EPG5: variants seen among roughly 807,000 people sequenced by gnomAD.
EPG5 encodes ectopic P granules protein 5 homolog.
A neutral mutation model predicts 302.7 loss-of-function variants in EPG5; 159 were observed. The observed-to-expected ratio is 0.53, with a 90% confidence interval of 0.46 to 0.60. The LOEUF (loss-of-function observed/expected upper bound fraction) is 0.60. Ranked by LOEUF, EPG5 falls within the 20% of genes least tolerant of loss-of-function variation. The pLI is 0.00. For synonymous variants in EPG5, 1,158 were observed against 1,136.8 expected, an observed-to-expected ratio of 1.02 and a Z score of -0.37; for missense variants, 2,896 against 3,092.4, an observed-to-expected ratio of 0.94 and a Z score of 1.51.
rs115975606 is a variant in EPG5, at chr18:45,914,876, G to A, written c.3693+635C>T. Among the ~76,000 whole-genome samples the A allele has an allele frequency of 6.9e-3, 1,052 of 152,200 alleles. 12 individuals are homozygous for A. The highest frequency in any genetic ancestry group is 0.023 in the African/African-American group (971 of 41,490). ...TGTGCCTGTAGTCCCCAAATACTAG[G>A]GAGGCTGGGAGCAGGAGAATCACTT... On this transcript the variant is annotated intron_variant, in intron 20 of 43. Coordinates refer to ENST00000282041, the MANE Select transcript of EPG5 (RefSeq NM_020964.3).
intron 1 of EPG5, among the ~76,000 whole-genome samples, chr18:45,962,149 A>C (rs931759118): frequency 1.3e-5 from 2 of 152,170 alleles, no homozygotes; most frequent in East Asian, 3.8e-4. Context: ...TTAATAAATG[A>C]ATGGCTTTTA....
At chr18:45,911,736 C>T (rs1446798457) in intron 22 of EPG5, among the ~76,000 whole-genome samples, 31 of 152,134 alleles carry the variant, frequency 2.0e-4, no homozygotes, top group Admixed American at 2.0e-3. Flanking sequence ...CATGCCCAGC[C>T]AGTATCTATA....
chr18:45,943,814 G>A (rs867665110), intron 8 of EPG5, among the ~76,000 whole-genome samples, 191 bp downstream of exon 8: 28 of 152,082 alleles, frequency 1.8e-4, no homozygotes, highest in Middle Eastern at 6.8e-3. Flanking sequence ...CCAGCTACTC[G>A]GGAGGCTGAG....
chr18:45,847,656 T>C lies in EPG5; in HGVS notation c.*4811A>G, dbSNP rs1233521592. 4.6e-5 allele frequency: 7 copies of C among 152,760 alleles called. No homozygotes were observed. In the East Asian group the frequency reaches 1.3e-3, roughly 29 times the overall value. 9.5% of individuals were successfully genotyped at this position (152,760 alleles called of 1,614,324 possible). On this transcript the variant is annotated 3_prime_UTR_variant, in exon 44 of 44. Transcript: ENST00000282041. ...TATTTGCAGAATTTTACTTAACCAG[T>C]TGTCATTTCTTCCTGTTTCTCACCA...
At chr18:45,965,556 C>T (rs1371588231) in intron 1 of EPG5, among the ~76,000 whole-genome samples, 2 of 152,220 alleles carry the variant, frequency 1.3e-5, no homozygotes, top group South Asian at 2.1e-4. Flanking sequence ...CCTGTTAAAA[C>T]CTTGTTCCCA....
intron 1 of EPG5, among the ~76,000 whole-genome samples, chr18:45,965,678 A>T (rs982046279): frequency 1.3e-5 from 2 of 152,200 alleles, no homozygotes; most frequent in Non-Finnish European, 2.9e-5. Context: ...TTATTTCCCA[A>T]ATGTAAACTC....
chr18:45,944,028 T>C lies in EPG5; in HGVS notation c.1769A>G (p.His590Arg). ...AQFPFHELFQ[H>R]LLGFKAKGDY... is the part of the protein sequence containing the mutation. ...ACCTTTTGCTTTAAACCCAAGAAGATGCTGAAAGAGTTCATGAAAGGGGAA... is the reference window on the plus strand; with the variant it reads ...ACCTTTTGCTTTAAACCCAAGAAGACGCTGAAAGAGTTCATGAAAGGGGAA... Residue 590 changes from histidine to arginine, a missense_variant, in exon 8 of 44, where the codon CAT becomes CGT. Physicochemically the swap from His to Arg is conservative, Grantham distance 29 (BLOSUM62 0). Transcript: ENST00000282041. The C allele has an allele frequency of 6.2e-7, 1 of 1,612,850 alleles. No individual in the cohort carries two copies.
Position 45,899,414 on chromosome 18 carries a change from A to AC in EPG5, c.4798dup (p.Val1600GlyfsTer6), listed in dbSNP as rs748056091. ...AATTTAAACACTTACCTGAACCGTG[A>AC]CAACTGCGGCTCCTTGGCATTTCTT... On this transcript the variant is annotated frameshift_variant, in exon 27 of 44. Transcript: ENST00000282041. LOFTEE classifies it high-confidence loss of function. 1 of 1,614,180 alleles carries AC rather than the reference A, an allele frequency of 6.2e-7. No homozygotes were observed. Among genetic ancestry groups the AC allele is most frequent in the East Asian group, 2.2e-5 (1 of 44,876 alleles).
chr18:45,943,696 C>T (rs900933810), intron 8 of EPG5, among the ~76,000 whole-genome samples: 1 of 151,962 alleles, frequency 6.6e-6, no homozygotes, highest in South Asian at 2.1e-4. Flanking sequence ...CGGAGACGGG[C>T]GGATCACGAA....
At chr18:45,897,976 G>A (rs1393689452) in intron 27 of EPG5, among the ~76,000 whole-genome samples, 2 of 152,332 alleles carry the variant, frequency 1.3e-5, no homozygotes, top group East Asian at 3.9e-4. Context: ...GACAGATTTA[G>A]ACAATAGGCA....
chr18:45,813,188 A>C, the EPG5 span, among the ~76,000 whole-genome samples: 1 of 152,176 alleles, frequency 6.6e-6, no homozygotes, highest in Non-Finnish European at 1.5e-5. Flanking sequence ...CTGGCCATCA[A>C]AGAAATGCAA....
chr18:45,867,732 G>C lies in EPG5; in HGVS notation c.6242C>G (p.Pro2081Arg). The C allele has an allele frequency of 2.5e-6, 4 of 1,601,048 alleles. No individual in the cohort carries two copies. The highest frequency in any genetic ancestry group is 3.4e-6 in the Non-Finnish European group (4 of 1,174,122). ...CCCCAAAAATAAGAAACAGCTCTTG[G>C]GGCTTCCTCGTTCCACCTAAAAGAA... ...EAFFKVERGS[P>R]KSCFLFLGSV... Residue 2081 changes from proline (P) to arginine (R), a missense_variant, in exon 37 of 44, where the codon CCC becomes CGC. Physicochemically the swap from Pro to Arg is moderately radical, Grantham distance 103. Transcript: ENST00000282041.
chr18:45,933,866 G>GA (rs2050455561), intron 11 of EPG5, among the ~76,000 whole-genome samples: 1 of 150,398 alleles, frequency 6.6e-6, no homozygotes, highest in Non-Finnish European at 1.5e-5. Context: ...TATCTTTGGT[G>GA]TTTTTTTTTA....
chr18:45,928,640 C>T (rs141464188), intron 13 of EPG5, among the ~76,000 whole-genome samples: 116 of 152,266 alleles, frequency 7.6e-4, no homozygotes, highest in African/African-American at 2.6e-3. Flanking sequence ...ACGAGGTGGA[C>T]AAGTCAACCT....
At chr18:45,891,600 G>A (rs190723205) in intron 27 of EPG5, among the ~76,000 whole-genome samples, 34 of 151,652 alleles carry the variant, frequency 2.2e-4, no homozygotes, top group East Asian at 7.7e-4. Context: ...AATACACTGA[G>A]CAACTATTTT....
rs200759465 is a variant in EPG5, at chr18:45,910,536, T to C, written c.4190A>G (p.His1397Arg). The part of the protein sequence containing the change: ...TPGYLTSPEL[H>R]KELVRLFNVY... ...CCATACTCACCTCACCAGCTCCTTGTGCAGTTCTGGTGAAGTCAGGTAACC... is the reference window on the plus strand; with the variant it reads ...CCATACTCACCTCACCAGCTCCTTGCGCAGTTCTGGTGAAGTCAGGTAACC... Residue 1397 changes from histidine (H) to arginine (R), a missense_variant, in exon 23 of 44, where the codon CAC becomes CGC. This residue lies in a region of EPG5 where 790 missense variants were observed against 798.0 expected (regional missense o/e 0.99). Coordinates refer to ENST00000282041, the MANE Select transcript of EPG5 (RefSeq NM_020964.3). 5 of 1,610,174 alleles carry C rather than the reference T, an allele frequency of 3.1e-6. No individual in the cohort carries two copies. The East Asian group carries it at 8.9e-5, about 29-fold the overall frequency.
At position 45,913,725 on chromosome 18, in the gene EPG5, G is replaced by A; in HGVS notation, c.3797C>T (p.Thr1266Ile). The change falls in exon 21 of 44, where the codon ACC becomes ATC. Residue 1266 changes from threonine to isoleucine, a missense_variant. Coordinates refer to ENST00000282041, the MANE Select transcript of EPG5 (RefSeq NM_020964.3). ...TTGTACCTTCAGAGCTTGGTCAGGG[G>A]TGAAAGCAGAGTTTATCACCAATTC... ...EGELVINSAFTPDQALKKAQT... is the reference protein window; with the variant it reads ...EGELVINSAFIPDQALKKAQT... 1.2e-6 allele frequency: 2 copies of A among 1,614,100 alleles called. No individual in the cohort carries two copies. The highest frequency in any genetic ancestry group is 1.7e-6 in the Non-Finnish European group (2 of 1,179,994).
At chr18:45,870,387 T>C (rs753690007) in intron 36 of EPG5, among the ~76,000 whole-genome samples, 180 bp downstream of exon 36, 7 of 152,230 alleles carry the variant, frequency 4.6e-5, no homozygotes, top group Non-Finnish European at 7.4e-5. Flanking sequence ...GTAGATGTTT[T>C]AACACGATAA....
intron 11 of EPG5, 126 bp downstream of exon 11, chr18:45,934,683 T>C: frequency 1.9e-6 from 2 of 1,072,062 alleles, no homozygotes. Flanking sequence ...AATTTCAAAA[T>C]CATTACACAT....
Sources: allele counts gnomAD v4.1 joint callset (sites outside exome capture counted in the v4.1 genomes callset), GRCh38; gene constraint gnomAD v4.1.1; regional missense constraint gnomAD v4.1.1; transcripts MANE v1.5; gene names NCBI Gene and HGNC (gene_info 2026-07-23, HGNC 2026-07-21).